The following HTD2 variants were observed in gnomAD, a reference collection of about 807,000 sequenced individuals.
The protein encoded by HTD2 is hydroxyacyl-thioester dehydratase type 2, also known as hydroxyacyl-thioester dehydratase type 2, mitochondrial.
Under a neutral mutation model 3.1 loss-of-function variants are expected in HTD2, and 1 was observed. The observed-to-expected ratio is 0.32, with a 90% CI of 0.11 to 1.52. The LOEUF is 1.52. Among genes scored for constraint, HTD2 ranks in the 40% most tolerant of loss-of-function variants. HTD2 has a pLI of 0.39. For missense variants in HTD2, 150 were observed against 79.6 expected (o/e 1.88, Z -3.36); for synonymous variants, 50 against 28.9 (o/e 1.73, Z -2.34).
At chr3:58,316,301 T>C (rs1193362132) in intron 2 of HTD2, among the ~76,000 whole-genome samples, 4 of 152,160 alleles carry the variant, frequency 2.6e-5, no homozygotes, top group African/African-American at 9.7e-5. Flanking sequence ...AAATGAAGGC[T>C]CAAAGGATGA....
At chr3:58,315,247 T>A (rs1250156052) in intron 2 of HTD2, among the ~76,000 whole-genome samples, 1 of 152,050 alleles carries the variant, frequency 6.6e-6, no homozygotes, top group Admixed American at 6.6e-5. Context: ...TATGAATGAA[T>A]CTCCAGAGAA....
At chr3:58,310,690 T>C (rs2097481270) in intron 2 of HTD2, 99 bp downstream of exon 2, 1 of 976,758 alleles carries the variant, frequency 1.0e-6, no homozygotes, top group Non-Finnish European at 1.6e-6. Context: ...CCCAGCACTT[T>C]GGAGGCCGAG....
intron 1 of HTD2, among the ~76,000 whole-genome samples, chr3:58,307,516 G>A (rs546738673): frequency 6.6e-6 from 1 of 152,328 alleles, no homozygotes; most frequent in East Asian, 1.9e-4. Context: ...CTTGACGCCA[G>A]GAGTTCGAGA....
chr3:58,308,969 C>T (rs568827646), intron 1 of HTD2, among the ~76,000 whole-genome samples: 19 of 152,208 alleles, frequency 1.2e-4, no homozygotes, highest in Non-Finnish European at 2.5e-4. Flanking sequence ...TGAGCATGTT[C>T]TACGTTCTTG....
rs560697933 is a variant in HTD2, at chr3:58,310,670, C to G, written c.-331+79C>G. The G allele has an allele frequency of 8.5e-5, 104 of 1,226,848 alleles. No homozygotes were observed. The African/African-American group carries it at 1.4e-3, about 16-fold the overall frequency. 76.0% of individuals were successfully genotyped at this position (1,226,848 alleles called of 1,614,324 possible). ...GAAAGAGGCCGGGCGCGGTAGCTCACGCCTGTAATCCCAGCACTTTGGAGG... is the reference window on the plus strand; with the variant it reads ...GAAAGAGGCCGGGCGCGGTAGCTCAGGCCTGTAATCCCAGCACTTTGGAGG... On this transcript the variant is annotated intron_variant, in intron 2 of 4. Coordinates refer to ENST00000461393, the MANE Select transcript of HTD2 (RefSeq NM_001348712.2).
In HTD2 at chr3:58,318,004, A is replaced by G. The variant is rs1226587224; in HGVS notation, c.391A>G (p.Lys131Glu). Residue 131 changes from lysine to glutamate, a missense_variant, in exon 5 of 5, where the codon AAA becomes GAA. Lys to Glu is a moderately conservative substitution (Grantham distance 56). Transcript: ENST00000461393. ...AGTTGTTTTAGCTTCTGCAGAAGTG[A>G]AAAAGCTGAAGCGGTTCATTGCTAT... The part of the protein sequence containing the change: ...GEVVLASAEV[K>E]KLKRFIAIIA... 5.7e-6 allele frequency: 4 copies of G among 702,764 alleles called. No individual in the cohort carries two copies. The highest frequency in any genetic ancestry group is 1.0e-5 in the Non-Finnish European group (4 of 384,972). 43.5% of individuals were successfully genotyped at this position (702,764 alleles called of 1,614,324 possible). A position where few individuals can be genotyped will look rare whatever the true frequency, so the allele number is the denominator to read the frequency against.
intron 1 of HTD2, 121 bp from the exon 2 acceptor site, chr3:58,310,386 C>T (rs1425009501): frequency 6.2e-7 from 1 of 1,614,054 alleles, no homozygotes; most frequent in Non-Finnish European, 8.5e-7. Context: ...CTTCCGAGTA[C>T]CACTACATGA....
chr3:58,312,614 T>TTTCCCA (rs2097483546), intron 2 of HTD2, among the ~76,000 whole-genome samples: 1 of 152,086 alleles, frequency 6.6e-6, no homozygotes, highest in Non-Finnish European at 1.5e-5. Context: ...TGCAAACTCT[T>TTTCCCA]TTCCCATCTT....
chr3:58,316,657 T>C (rs2097488586), intron 3 of HTD2, 66 bp downstream of exon 3: 1 of 1,383,232 alleles, frequency 7.2e-7, no homozygotes, highest in Non-Finnish European at 1.0e-6. Flanking sequence ...AAAAATGCTC[T>C]CTTCTGAGAA....
intron 2 of HTD2, 146 bp from the exon 3 acceptor site, chr3:58,316,369 A>C: frequency 1.5e-6 from 1 of 670,890 alleles, no homozygotes; most frequent in Non-Finnish European, 2.6e-6. Flanking sequence ...GGGAGCTGTA[A>C]GTAGGCAACT....
intron 1 of HTD2, among the ~76,000 whole-genome samples, chr3:58,308,773 A>C (rs1288838638): frequency 1.3e-5 from 2 of 150,916 alleles, no homozygotes; most frequent in African/African-American, 2.4e-5. Context: ...TGGGGGATCC[A>C]TATATTAAAC....
At chr3:58,314,212 G>A (rs1315905679) in intron 2 of HTD2, among the ~76,000 whole-genome samples, 6 of 152,148 alleles carry the variant, frequency 3.9e-5, no homozygotes, top group African/African-American at 1.4e-4. Context: ...CTAGCCGGGC[G>A]TGGTGGCACA....
intron 2 of HTD2, chr3:58,315,931 C>T (rs1232510124): frequency 2.6e-5 from 4 of 152,362 alleles, no homozygotes; most frequent in African/African-American, 9.6e-5. Flanking sequence ...CCTCCTTGGC[C>T]TCCCAAAGTG....
chr3:58,314,675 A>T (rs1361116137), intron 2 of HTD2, among the ~76,000 whole-genome samples: 36 of 90,570 alleles, frequency 4.0e-4, no homozygotes, highest in East Asian at 1.6e-3. Context: ...GTTTGGCAGT[A>T]TTTTTTTTTT....
Position 58,316,523 on chromosome 3 carries a change from C to T in HTD2, c.-322C>T, listed in dbSNP as rs752440972. 15 of 1,613,668 alleles carry T rather than the reference C, an allele frequency of 9.3e-6. No homozygotes were observed. Among genetic ancestry groups the T allele is most frequent in the Non-Finnish European group, 1.1e-5 (13 of 1,179,738 alleles). On this transcript the variant is annotated 5_prime_UTR_variant, in exon 3 of 5. Coordinates refer to ENST00000461393, the MANE Select transcript of HTD2 (RefSeq NM_001348712.2). ...CATTATTCCATATGCAGGTTGATGC[C>T]GCCTTACCTTTGGACATCCTAACCT...
At position 58,318,983 on chromosome 3, in the gene HTD2, ACT is replaced by A. The variant is rs2097491515; in HGVS notation, c.*865_*866del. The A allele has an allele frequency of 6.6e-6, 1 of 150,504 alleles. No individual in the cohort carries two copies. The allele number at this position is 150,504 out of a possible 1,614,324, so 9.3% of individuals were successfully genotyped here. A position where few individuals can be genotyped will look rare whatever the true frequency, so the allele number is the denominator to read the frequency against. ...ACTTCAGCCTGGGTGACAGAGCAAA[ACT>A]CCACCTCAAAAAAAAAAAAAAGATT... On this transcript the variant is annotated 3_prime_UTR_variant, in exon 5 of 5. Coordinates refer to ENST00000461393, the MANE Select transcript of HTD2 (RefSeq NM_001348712.2).
chr3:58,317,023 CA>C (rs1559796058), intron 4 of HTD2, 30 bp downstream of exon 4: 1 of 1,510,852 alleles, frequency 6.6e-7, no homozygotes, highest in Non-Finnish European at 9.2e-7. Flanking sequence ...ATATTCCAAA[CA>C]AGACTGAGTG....
intron 2 of HTD2, among the ~76,000 whole-genome samples, chr3:58,311,429 C>T (rs1395490192): frequency 6.6e-6 from 1 of 152,164 alleles, no homozygotes; most frequent in East Asian, 1.9e-4. Context: ...TGCTGGATTA[C>T]AGGCACGAGC....
chr3:58,311,792 T>G (rs1377745298), intron 2 of HTD2, among the ~76,000 whole-genome samples: 1 of 152,164 alleles, frequency 6.6e-6, no homozygotes, highest in African/African-American at 2.4e-5. Context: ...CATGTCTTTT[T>G]GAATTGATTT....
Sources: gnomAD v4.1 joint callset for allele counts (sites outside exome capture counted in the v4.1 genomes callset) on GRCh38, gnomAD v4.1.1 for gene constraint, MANE v1.5 for transcripts, NCBI Gene and HGNC (gene_info 2026-07-23, HGNC 2026-07-21) for gene names.